The following NCALD variants were observed in gnomAD, a reference collection of about 807,000 sequenced individuals.
The protein encoded by NCALD is neurocalcin delta, also known as neurocalcin-delta.
Under a neutral mutation model 18.6 loss-of-function variants are expected in NCALD, and 10 were observed. That is an observed-to-expected ratio of 0.54 (90% CI 0.33 to 0.91). The LOEUF (loss-of-function observed/expected upper bound fraction) is 0.91. NCALD is among the 40% of genes least tolerant of loss of function. The pLI, the probability that NCALD is intolerant of heterozygous loss-of-function variation, is 0.03. For missense variants in NCALD, 184 were observed against 247.6 expected (o/e 0.74, Z 1.72); for synonymous variants, 88 against 87.4 (o/e 1.01, Z -0.04).
intron 1 of NCALD, among the ~76,000 whole-genome samples, chr8:102,093,957 T>C (rs1182946895): frequency 6.6e-6 from 1 of 152,208 alleles, no homozygotes; most frequent in Non-Finnish European, 1.5e-5. Flanking sequence ...GTGGCAAGAA[T>C]TCATCAGGGT....
At chr8:102,050,111 G>A (rs1823385463) in intron 1 of NCALD, among the ~76,000 whole-genome samples, 2 of 131,236 alleles carry the variant, frequency 1.5e-5, no homozygotes, top group African/African-American at 2.8e-5. Context: ...GCAGTGAGCC[G>A]AGATTGCGCC....
At chr8:101,923,036 C>T (rs1818219451) in intron 2 of NCALD, among the ~76,000 whole-genome samples, 1 of 152,098 alleles carries the variant, frequency 6.6e-6, no homozygotes, top group African/African-American at 2.4e-5. Flanking sequence ...TTGATTACAT[C>T]ATGAGGGCTC....
chr8:102,005,016 C>T (rs1268372032), intron 2 of NCALD, among the ~76,000 whole-genome samples: 1 of 152,104 alleles, frequency 6.6e-6, no homozygotes, highest in African/African-American at 2.4e-5. Context: ...CAGCAAAAGC[C>T]AAAATTGACA....
At chr8:101,817,919 G>C (rs1813563336) in intron 4 of NCALD, among the ~76,000 whole-genome samples, 1 of 152,188 alleles carries the variant, frequency 6.6e-6, no homozygotes, top group African/African-American at 2.4e-5. Context: ...TCCCAAAACA[G>C]CTGCGGGAAG....
intron 4 of NCALD, among the ~76,000 whole-genome samples, chr8:101,800,144 T>C (rs966245223): frequency 4.6e-5 from 7 of 152,072 alleles, no homozygotes; most frequent in Non-Finnish European, 7.4e-5. Flanking sequence ...CACAGACATA[T>C]AGAAAGGGTA....
chr8:101,741,255 A>G (rs942500233), intron 1 of NCALD, among the ~76,000 whole-genome samples: 1 of 152,244 alleles, frequency 6.6e-6, no homozygotes, highest in African/African-American at 2.4e-5. Flanking sequence ...AAGAAATTGC[A>G]AAGAAAATTA....
intron 1 of NCALD, among the ~76,000 whole-genome samples, chr8:101,751,305 A>C (rs953369946): frequency 6.6e-6 from 1 of 152,136 alleles, no homozygotes; most frequent in Non-Finnish European, 1.5e-5. Context: ...TTAGAAATGG[A>C]AAGTAGAACA....
rs78850775 is a variant in NCALD at position 102,017,791 on chromosome 8, G to A, written c.-157+2446C>T. Among the ~76,000 whole-genome samples, 500 of 152,260 alleles carry A rather than the reference G, an allele frequency of 3.3e-3. 12 individuals carry two copies. In the East Asian group the frequency reaches 0.045, roughly 14 times the overall value. ...GTAAAACTTTCTACTCTTTGAATGA[G>A]ACTTTTAGGACTTTTAAAGAAACAA... On this transcript the variant is annotated intron_variant, in intron 2 of 6. Transcript: ENST00000311028.
At chr8:101,939,162 G>T (rs1818865596) in intron 2 of NCALD, among the ~76,000 whole-genome samples, 1 of 152,204 alleles carries the variant, frequency 6.6e-6, no homozygotes. Context: ...ATAAATTAAT[G>T]AAGGGATAGG....
chr8:101,999,457 G>A (rs1403194173), intron 2 of NCALD, among the ~76,000 whole-genome samples: 1 of 152,136 alleles, frequency 6.6e-6, no homozygotes, highest in Non-Finnish European at 1.5e-5. Context: ...CGCGTAATTG[G>A]GAGCTAAGCT....
chr8:101,968,494 T>C (rs776036081), intron 2 of NCALD, among the ~76,000 whole-genome samples: 8 of 152,122 alleles, frequency 5.3e-5, no homozygotes, highest in Non-Finnish European at 8.8e-5. Flanking sequence ...CTCTTTGAGG[T>C]CAGTGTTTGA....
Position 101,927,429 on chromosome 8 carries a change from G to A in NCALD, c.-156-11571C>T, listed in dbSNP as rs142570291. On this transcript the variant is annotated intron_variant, in intron 2 of 6. Coordinates refer to the NCALD transcript ENST00000311028. Reference sequence around the variant, plus strand: ...AGAGAAGTCAGACCTGAGATGCAGCGTAGCAGAGAAGGGTCTGCGTGTGAT... The same window carrying A: ...AGAGAAGTCAGACCTGAGATGCAGCATAGCAGAGAAGGGTCTGCGTGTGAT... 9.1e-4 allele frequency among the ~76,000 whole-genome samples: 139 copies of A among 152,314 alleles called. 1 individual carries two copies. Among genetic ancestry groups the A allele is most frequent in the Non-Finnish European group, 1.6e-3 (110 of 68,022 alleles).
intron 2 of NCALD, among the ~76,000 whole-genome samples, chr8:101,984,239 T>C (rs1009880243): frequency 2.5e-4 from 38 of 152,326 alleles, no homozygotes; most frequent in African/African-American, 8.2e-4. Context: ...AAATATTATA[T>C]ACCACAATTC....
chr8:102,048,319 G>C (rs1823319627), intron 1 of NCALD, among the ~76,000 whole-genome samples: 1 of 152,132 alleles, frequency 6.6e-6, no homozygotes, highest in East Asian at 1.9e-4. Context: ...TCTCTGAAAA[G>C]TTCTATCACC....
At chr8:101,823,783 G>A (rs1813819076) in intron 4 of NCALD, among the ~76,000 whole-genome samples, 1 of 152,124 alleles carries the variant, frequency 6.6e-6, no homozygotes, top group African/African-American at 2.4e-5. Context: ...TGAGTATGGT[G>A]GAGGCTGACA....
In NCALD at chr8:101,783,492, G is replaced by T. The variant is rs570418536; in HGVS notation, c.-20+7370C>A. The stretch of plus-strand genomic sequence containing the variant: ...AATACCCTAGCTTTACTACAAACCA[G>T]TAGAGCAGAAAACATTGCCCTAGAA... On this transcript the variant is annotated intron_variant, in intron 1 of 3. Coordinates refer to ENST00000220931, the MANE Select transcript of NCALD (RefSeq NM_032041.3). Among the ~76,000 whole-genome samples the T allele has an allele frequency of 7.9e-5, 12 of 152,302 alleles. No homozygotes were observed. In the South Asian group the frequency reaches 2.1e-3, roughly 26 times the overall value.
chr8:102,076,154 A>T (rs1193482500), intron 1 of NCALD, among the ~76,000 whole-genome samples: 3 of 152,068 alleles, frequency 2.0e-5, no homozygotes, highest in Non-Finnish European at 4.4e-5. Flanking sequence ...AAAAAGGAAT[A>T]AAAAAATAAC....
At chr8:102,098,318 C>G (rs1229327786) in intron 1 of NCALD, among the ~76,000 whole-genome samples, 1 of 152,090 alleles carries the variant, frequency 6.6e-6, no homozygotes, top group Non-Finnish European at 1.5e-5. Flanking sequence ...ATTTATCCTC[C>G]CCATTTCCTC....
At chr8:101,877,996 T>C (rs495636) in intron 4 of NCALD, among the ~76,000 whole-genome samples, 39,825 of 152,164 alleles carry the variant, frequency 0.26, 5,618 homozygotes, top group East Asian at 0.38. Flanking sequence ...AAATACTAAA[T>C]TTTGAACTCC....
Sources: gnomAD v4.1 joint callset for allele counts (sites outside exome capture counted in the v4.1 genomes callset) on GRCh38, gnomAD v4.1.1 for gene constraint, MANE v1.5 for transcripts, NCBI Gene and HGNC (gene_info 2026-07-23, HGNC 2026-07-21) for gene names.